RFX3: variants seen among roughly 807,000 people sequenced by gnomAD.
RFX3 encodes regulatory factor X3.
RFX3 carries 14 observed loss-of-function variants against 98.6 expected under a neutral mutation model. The ratio of observed to expected loss-of-function variants is 0.14; its 90% confidence interval spans 0.09 to 0.22. The LOEUF (loss-of-function observed/expected upper bound fraction) is 0.22, where lower values mean the gene tolerates loss of function less well. Ranked by LOEUF, RFX3 falls within the 10% of genes least tolerant of loss-of-function variation. The pLI, the probability that RFX3 is intolerant of heterozygous loss-of-function variation, is 1.00. For synonymous variants in RFX3, 383 were observed against 328.4 expected, an observed-to-expected ratio of 1.17 and a Z score of -1.80; for missense variants, 639 against 926.9, an observed-to-expected ratio of 0.69 and a Z score of 4.03.
intron 1 of RFX3, among the ~76,000 whole-genome samples, chr9:3,478,565 A>G (rs534409221): frequency 1.3e-5 from 2 of 152,226 alleles, no homozygotes; most frequent in East Asian, 3.9e-4. Context: ...TTGCCAAAGA[A>G]ATCTTCATGA....
chr9:3,308,792 T>C (rs770116579), intron 4 of RFX3, among the ~76,000 whole-genome samples: 5 of 152,000 alleles, frequency 3.3e-5, no homozygotes, highest in African/African-American at 7.2e-5. Context: ...GTGAGTTCAA[T>C]TGAGTGAAGA....
intron 4 of RFX3, among the ~76,000 whole-genome samples, chr9:3,329,745 A>G (rs1832369423): frequency 6.6e-6 from 1 of 152,232 alleles, no homozygotes; most frequent in South Asian, 2.1e-4. Flanking sequence ...AGTTAATAAT[A>G]ATACAGGTGG....
At chr9:3,455,679 C>A (rs898440704) in intron 1 of RFX3, among the ~76,000 whole-genome samples, 36 of 152,294 alleles carry the variant, frequency 2.4e-4, no homozygotes, top group Admixed American at 2.2e-3. Context: ...CCTTAAGTAT[C>A]TGAAAAGTTA....
At chr9:3,434,959 A>G (rs1030668054) in intron 1 of RFX3, among the ~76,000 whole-genome samples, 1 of 152,030 alleles carries the variant, frequency 6.6e-6, no homozygotes, top group African/African-American at 2.4e-5. Flanking sequence ...ACTGTGCTGA[A>G]TATTATAGGC....
At chr9:3,454,957 C>T (rs1292614322) in intron 1 of RFX3, among the ~76,000 whole-genome samples, 1 of 152,182 alleles carries the variant, frequency 6.6e-6, no homozygotes, top group East Asian at 1.9e-4. Flanking sequence ...TCTTCATTGT[C>T]TCCCACCTCG....
intron 5 of RFX3, among the ~76,000 whole-genome samples, chr9:3,297,350 C>T (rs1490130227): frequency 6.6e-6 from 1 of 151,998 alleles, no homozygotes; most frequent in Non-Finnish European, 1.5e-5. Context: ...ATCTTTAAAA[C>T]TTGATTACTC....
intron 3 of RFX3, among the ~76,000 whole-genome samples, chr9:3,342,818 G>A (rs1348659856): frequency 6.6e-6 from 1 of 152,152 alleles, no homozygotes; most frequent in Non-Finnish European, 1.5e-5. Context: ...TAAAGATGAT[G>A]ATCAAGCCTT....
At chr9:3,388,299 T>C (rs1032003467) in intron 2 of RFX3, among the ~76,000 whole-genome samples, 2 of 152,128 alleles carry the variant, frequency 1.3e-5, no homozygotes, top group African/African-American at 4.8e-5. Context: ...TAAAGAGATC[T>C]AATGGAGACT....
intron 1 of RFX3, among the ~76,000 whole-genome samples, chr9:3,495,150 C>T (rs1168477425): frequency 6.6e-6 from 1 of 150,888 alleles, no homozygotes; most frequent in Admixed American, 6.6e-5. Flanking sequence ...CCTATTCAAC[C>T]ATTCAAAGTG....
intron 1 of RFX3, among the ~76,000 whole-genome samples, chr9:3,458,489 T>C (rs563286652): frequency 6.6e-6 from 1 of 152,254 alleles, no homozygotes; most frequent in Admixed American, 6.5e-5. Context: ...ATCAGAAACA[T>C]CAGAATTTAC....
chr9:3,372,957 C>G (rs1037163950), intron 2 of RFX3, among the ~76,000 whole-genome samples: 5 of 151,964 alleles, frequency 3.3e-5, no homozygotes, highest in Non-Finnish European at 7.4e-5. Context: ...AGGTTGCAAA[C>G]ACAAGAAAAA....
intron 11 of RFX3, among the ~76,000 whole-genome samples, chr9:3,269,337 T>A (rs1278253671): frequency 6.6e-6 from 1 of 152,102 alleles, no homozygotes; most frequent in Non-Finnish European, 1.5e-5. Flanking sequence ...ATACAAATGT[T>A]AATATCTTCC....
At chr9:3,408,844 C>T (rs542002332) in intron 1 of RFX3, among the ~76,000 whole-genome samples, 1 of 152,244 alleles carries the variant, frequency 6.6e-6, no homozygotes, top group Admixed American at 6.5e-5. Context: ...CTCTTTTTCC[C>T]CGTCCCTGGC....
intron 2 of RFX3, among the ~76,000 whole-genome samples, chr9:3,363,416 C>T (rs1338118976): frequency 6.6e-6 from 1 of 152,088 alleles, no homozygotes; most frequent in Non-Finnish European, 1.5e-5. Flanking sequence ...CATACTTACT[C>T]CCGGTGTCTA....
At chr9:3,382,594 A>G (rs1477106828) in intron 2 of RFX3, among the ~76,000 whole-genome samples, 1 of 152,128 alleles carries the variant, frequency 6.6e-6, no homozygotes, top group African/African-American at 2.4e-5. Flanking sequence ...TTTCTTGAGA[A>G]TCATTTAGTT....
At chr9:3,270,586 C>A in intron 10 of RFX3, 61 bp from the exon 11 acceptor site, 2 of 1,519,190 alleles carry the variant, frequency 1.3e-6, no homozygotes, top group Non-Finnish European at 9.0e-7. Context: ...AGAAAATGGA[C>A]TTTAAAAATA....
intron 3 of RFX3, among the ~76,000 whole-genome samples, chr9:3,339,044 G>A (rs533305408): frequency 1.1e-4 from 17 of 151,954 alleles, no homozygotes; most frequent in Admixed American, 6.5e-4. Flanking sequence ...AGCCGAGATC[G>A]CACCACTGCA....
intron 5 of RFX3, among the ~76,000 whole-genome samples, chr9:3,300,827 C>A (rs1341074396): frequency 1.3e-5 from 2 of 151,852 alleles, no homozygotes; most frequent in African/African-American, 4.8e-5. Flanking sequence ...CACATGAGAA[C>A]AGCTGATAAA....
intron 2 of RFX3, among the ~76,000 whole-genome samples, chr9:3,384,351 A>G (rs1208477614): frequency 6.6e-6 from 1 of 152,246 alleles, no homozygotes; most frequent in Non-Finnish European, 1.5e-5. Context: ...TCCTGAAAGC[A>G]ATGTAACATC....
Sources: allele counts gnomAD v4.1 joint callset (sites outside exome capture counted in the v4.1 genomes callset), GRCh38; gene constraint gnomAD v4.1.1; transcripts MANE v1.5; gene names NCBI Gene and HGNC (gene_info 2026-07-23, HGNC 2026-07-21).